Variants in TAS2R1 observed in about 807,000 individuals in gnomAD.
TAS2R1 encodes the protein taste 2 receptor member 1.
For missense variants in TAS2R1, 370 were observed against 353.4 expected (o/e 1.05, Z -0.38); for synonymous variants, 141 against 134.2 (o/e 1.05, Z -0.35).
the TAS2R1 span, among the ~76,000 whole-genome samples, chr5:9,830,600 C>CGT: frequency 1.2e-5 from 1 of 82,282 alleles, no homozygotes. Context: ...TAGACACGTG[C>CGT]GCGCGCACAC....
the TAS2R1 span, chr5:9,765,509 A>C: frequency 6.7e-6 from 1 of 150,330 alleles, no homozygotes; most frequent in Non-Finnish European, 1.5e-5. Flanking sequence ...AAAAAAAAAA[A>C]TCCACGAAAC....
the TAS2R1 span, among the ~76,000 whole-genome samples, chr5:9,827,322 C>T: frequency 3.3e-5 from 5 of 152,186 alleles, no homozygotes; most frequent in Non-Finnish European, 5.9e-5. Context: ...TCCATTTGTC[C>T]TAGTCCAGTC....
At chr5:9,646,513 C>T (rs1224196632) in intron 2 of TAS2R1, among the ~76,000 whole-genome samples, 3 of 152,174 alleles carry the variant, frequency 2.0e-5, no homozygotes, top group East Asian at 3.9e-4. Flanking sequence ...GCCATTTCTG[C>T]CCTGGTCCAA....
the TAS2R1 span, among the ~76,000 whole-genome samples, chr5:9,877,608 T>C: frequency 6.6e-6 from 1 of 152,250 alleles, no homozygotes. Flanking sequence ...TCCAATATGC[T>C]GCTCTGGGCT....
the TAS2R1 span, among the ~76,000 whole-genome samples, chr5:9,884,897 G>A: frequency 5.9e-5 from 9 of 152,126 alleles, no homozygotes; most frequent in African/African-American, 2.2e-4. Context: ...AAACTCCTGT[G>A]ATTCAAAATG....
the TAS2R1 span, among the ~76,000 whole-genome samples, chr5:9,856,645 C>G: frequency 6.6e-6 from 1 of 152,218 alleles, no homozygotes; most frequent in Admixed American, 6.5e-5. Context: ...AATGCATATT[C>G]TCTCTATAGA....
chr5:9,801,169 C>T, the TAS2R1 span, among the ~76,000 whole-genome samples: 8 of 152,146 alleles, frequency 5.3e-5, no homozygotes, highest in African/African-American at 7.2e-5. Context: ...CCAGCCTGGG[C>T]GACAAAGTGA....
chr5:9,862,134 T>C, the TAS2R1 span, among the ~76,000 whole-genome samples: 1 of 151,886 alleles, frequency 6.6e-6, no homozygotes, highest in African/African-American at 2.4e-5. Flanking sequence ...GACTGGCAAA[T>C]CCATTAGGAG....
chr5:9,676,736 A>C (rs1232063723), intron 1 of TAS2R1, among the ~76,000 whole-genome samples: 4 of 152,202 alleles, frequency 2.6e-5, no homozygotes, highest in Non-Finnish European at 5.9e-5. Context: ...TGTAATCCAT[A>C]AGAGAAAAAT....
chr5:9,716,304 A>G (rs963823137), upstream of TAS2R1, among the ~76,000 whole-genome samples: 2 of 152,126 alleles, frequency 1.3e-5, no homozygotes, highest in African/African-American at 4.8e-5. Flanking sequence ...GAAGCCAGCT[A>G]GCAGGACTCT....
the TAS2R1 span, among the ~76,000 whole-genome samples, chr5:9,901,871 T>C: frequency 1.3e-5 from 2 of 152,104 alleles, no homozygotes; most frequent in Non-Finnish European, 2.9e-5. Flanking sequence ...TCCACCCATG[T>C]GTTTTTGCTT....
chr5:9,893,603 T>A, the TAS2R1 span, among the ~76,000 whole-genome samples: 8 of 152,120 alleles, frequency 5.3e-5, no homozygotes, highest in South Asian at 1.7e-3. Flanking sequence ...ATACTTGTAA[T>A]AAAAAAAATT....
the TAS2R1 span, among the ~76,000 whole-genome samples, chr5:9,796,316 T>C: frequency 1.3e-5 from 2 of 152,266 alleles, no homozygotes; most frequent in Admixed American, 1.3e-4. Flanking sequence ...TCTACCCCAC[T>C]GGGCCCAGGC....
At chr5:9,849,629 G>A in the TAS2R1 span, among the ~76,000 whole-genome samples, 1 of 152,202 alleles carries the variant, frequency 6.6e-6, no homozygotes, top group African/African-American at 2.4e-5. Context: ...AGGAATTCCT[G>A]TAGCTTTGCC....
At chr5:9,675,448 T>C (rs1022985352) in intron 1 of TAS2R1, among the ~76,000 whole-genome samples, 5 of 150,614 alleles carry the variant, frequency 3.3e-5, no homozygotes, top group Non-Finnish European at 7.4e-5. Flanking sequence ...GATGGAGTCT[T>C]GCTTTGTTGC....
chr5:9,838,261 C>T, the TAS2R1 span, among the ~76,000 whole-genome samples: 3 of 152,230 alleles, frequency 2.0e-5, no homozygotes, highest in Non-Finnish European at 2.9e-5. Flanking sequence ...TGGTGCGCCC[C>T]GTCTCTGCAC....
the TAS2R1 span, among the ~76,000 whole-genome samples, chr5:9,858,823 AT>A: frequency 6.6e-6 from 1 of 152,212 alleles, no homozygotes; most frequent in Non-Finnish European, 1.5e-5. Context: ...CCCTGTCTGT[AT>A]AATATAATTC....
At chr5:9,824,197 A>G in the TAS2R1 span, among the ~76,000 whole-genome samples, 1 of 152,188 alleles carries the variant, frequency 6.6e-6, no homozygotes, top group Admixed American at 6.5e-5. Context: ...GCTCACCTGG[A>G]GGCCACACCT....
At chr5:9,680,739 A>C (rs1740977267) in intron 1 of TAS2R1, among the ~76,000 whole-genome samples, 1 of 152,168 alleles carries the variant, frequency 6.6e-6, no homozygotes, top group African/African-American at 2.4e-5. Flanking sequence ...GAGTAAACTG[A>C]GACATGCCAA....
Sources: allele counts gnomAD v4.1 joint callset (sites outside exome capture counted in the v4.1 genomes callset), GRCh38; gene constraint gnomAD v4.1.1; transcripts MANE v1.5; gene names NCBI Gene and HGNC (gene_info 2026-07-23, HGNC 2026-07-21).